The following MDGA2 variants were observed in gnomAD, a reference collection of about 807,000 sequenced individuals.
MDGA2 encodes the protein MAM domain containing glycosylphosphatidylinositol anchor 2, also known as MAM domain-containing glycosylphosphatidylinositol anchor protein 2.
In MDGA2, 40 loss-of-function variants were observed where a neutral mutation model predicts 117.8. That is an observed-to-expected ratio of 0.34 (90% CI 0.26 to 0.44). The LOEUF is 0.44. Among genes scored for constraint, MDGA2 ranks in the 20% least tolerant of loss-of-function variants. MDGA2 has a pLI of 1.00. For synonymous variants in MDGA2, 452 were observed against 439.0 expected, an observed-to-expected ratio of 1.03 and a Z score of -0.37; for missense variants, 1,123 against 1,250.6, an observed-to-expected ratio of 0.90 and a Z score of 1.54.
chr14:46,877,662 A>T (rs1269470980), intron 11 of MDGA2, among the ~76,000 whole-genome samples, 153 bp from the exon 12 acceptor site: 1 of 151,858 alleles, frequency 6.6e-6, no homozygotes, highest in Non-Finnish European at 1.5e-5. Flanking sequence ...TATATCTGCA[A>T]TCCATTTTGT....
chr14:47,058,770 A>T lies in MDGA2; in HGVS notation c.1525+2479T>A, dbSNP rs1285361162. On this transcript the variant is annotated intron_variant, in intron 7 of 16. Coordinates refer to ENST00000399232, the MANE Select transcript of MDGA2 (RefSeq NM_001113498.3). Reference sequence around the variant, plus strand: ...GAAGACAGAATATGTAATCATCTTCAGTAACTCATTCTTTAGGTTAGGCAT... The same window carrying T: ...GAAGACAGAATATGTAATCATCTTCTGTAACTCATTCTTTAGGTTAGGCAT... 8.1e-6 allele frequency: 8 copies of T among 985,436 alleles called. No homozygotes were observed. The East Asian group carries it at 7.9e-4, about 98-fold the overall frequency. The allele number at this position is 985,436 out of a possible 1,614,324, so 61.0% of individuals were successfully genotyped here. A position where few individuals can be genotyped will look rare whatever the true frequency, so the allele number is the denominator to read the frequency against.
In MDGA2 at chr14:47,080,695, G is replaced by A. The variant is rs567305956; in HGVS notation, c.1195+16159C>T. On this transcript the variant is annotated intron_variant, in intron 6 of 16. Transcript: ENST00000399232. ...AGTGAATTCCATACCACGTCAAAGC[G>A]CATTTATAGTTCCACCTCTTTCTAG... Among the ~76,000 whole-genome samples the A allele has an allele frequency of 8.5e-5, 13 of 152,154 alleles. No individual in the cohort carries two copies. In the East Asian group the frequency reaches 9.7e-4, roughly 11 times the overall value.
At position 46,965,178 on chromosome 14, in the gene MDGA2, C is replaced by T. The variant is rs780226797; in HGVS notation, c.1820-7535G>A. On this transcript the variant is annotated intron_variant, in intron 8 of 16. Coordinates refer to ENST00000399232, the MANE Select transcript of MDGA2 (RefSeq NM_001113498.3). Reference sequence around the variant, plus strand: ...GACCTCGTGATCCGCCCGCCTCGGCCTCCCAAAGTGCTGGGATTACAGGCG... The same window carrying T: ...GACCTCGTGATCCGCCCGCCTCGGCTTCCCAAAGTGCTGGGATTACAGGCG... 5.5e-4 allele frequency among the ~76,000 whole-genome samples: 66 copies of T among 120,386 alleles called. 2 individuals carry two copies. In the Middle Eastern group the frequency reaches 0.01, roughly 19 times the overall value. The allele number at this position is 120,386 out of a possible 152,430, so 79.0% of individuals were successfully genotyped here. A position where few individuals can be genotyped will look rare whatever the true frequency, so the allele number is the denominator to read the frequency against.
rs538595708 is a variant in MDGA2, at chr14:47,381,807, A to G, written c.281-80257T>C. Among the ~76,000 whole-genome samples, 5 of 152,322 alleles carry G rather than the reference A, an allele frequency of 3.3e-5. No individual in the cohort carries two copies. In the East Asian group the frequency reaches 9.6e-4, roughly 29 times the overall value. On this transcript the variant is annotated intron_variant, in intron 1 of 16. Transcript: ENST00000399232. The stretch of plus-strand genomic sequence containing the variant: ...CTGCCCAAGGTAATTTATAGATTCA[A>G]TGCCATCCCCGTCAAGCTACCAATG...
intron 8 of MDGA2, among the ~76,000 whole-genome samples, chr14:47,000,677 T>G (rs1887500226): frequency 6.6e-6 from 1 of 151,454 alleles, no homozygotes; most frequent in Non-Finnish European, 1.5e-5. Context: ...ATATTAGGTA[T>G]AGGGCAGTTA....
At chr14:47,322,402 C>G (rs116637916) in intron 1 of MDGA2, among the ~76,000 whole-genome samples, 1 of 152,094 alleles carries the variant, frequency 6.6e-6, no homozygotes, top group Non-Finnish European at 1.5e-5. Flanking sequence ...TATTTCATTT[C>G]GTGCTTTATT....
chr14:46,874,286 A>C (rs1388162323), intron 12 of MDGA2, 86 bp from the exon 13 acceptor site: 3 of 605,764 alleles, frequency 5.0e-6, no homozygotes, highest in Admixed American at 8.7e-5. Context: ...AAAATATTAC[A>C]TAGCAATAAT....
At chr14:47,448,050 T>C (rs918073793) in intron 1 of MDGA2, among the ~76,000 whole-genome samples, 3 of 152,116 alleles carry the variant, frequency 2.0e-5, no homozygotes, top group African/African-American at 7.2e-5. Flanking sequence ...ATCCCTCTTA[T>C]TCTAGTGAGA....
At chr14:47,487,607 C>A (rs926037114) in intron 1 of MDGA2, among the ~76,000 whole-genome samples, 2 of 152,052 alleles carry the variant, frequency 1.3e-5, no homozygotes, top group Non-Finnish European at 1.5e-5. Flanking sequence ...ATCTAAATGA[C>A]TTCTTTACAG....
chr14:47,514,376 A>G (rs1894708528), intron 1 of MDGA2, among the ~76,000 whole-genome samples: 1 of 152,092 alleles, frequency 6.6e-6, no homozygotes, highest in Admixed American at 6.6e-5. Context: ...TTAGATCAGA[A>G]AGCCACTCTA....
At chr14:47,654,858 T>C (rs1257990970) in intron 1 of MDGA2, among the ~76,000 whole-genome samples, 1 of 151,996 alleles carries the variant, frequency 6.6e-6, no homozygotes, top group Non-Finnish European at 1.5e-5. Context: ...TAGAAGAGTG[T>C]GTATATGAAT....
intron 3 of MDGA2, chr14:47,200,895 C>T (rs1333128423): frequency 4.7e-6 from 4 of 851,264 alleles, no homozygotes; most frequent in Non-Finnish European, 8.1e-6. Context: ...CAGTCCAGAG[C>T]GGCCTGGCCT....
chr14:47,641,977 C>G (rs1427708793), intron 1 of MDGA2, among the ~76,000 whole-genome samples: 5 of 151,942 alleles, frequency 3.3e-5, no homozygotes, highest in African/African-American at 1.2e-4. Context: ...AAGCTAGAAC[C>G]CAAGTGGTGA....
intron 9 of MDGA2, among the ~76,000 whole-genome samples, chr14:46,922,918 A>C (rs1566526953): frequency 6.6e-6 from 1 of 152,228 alleles, no homozygotes; most frequent in Non-Finnish European, 1.5e-5. Flanking sequence ...GAAATATTCG[A>C]AGCATTTCAG....
intron 5 of MDGA2, among the ~76,000 whole-genome samples, chr14:47,102,307 G>T (rs1194007257): frequency 2.0e-5 from 3 of 149,580 alleles, no homozygotes; most frequent in African/African-American, 7.4e-5. Flanking sequence ...TTTTTGAATG[G>T]AAATAATCTG....
At chr14:47,225,729 G>A (rs141598554) in intron 2 of MDGA2, among the ~76,000 whole-genome samples, 10,849 of 151,836 alleles carry the variant, frequency 0.071, 610 homozygotes, top group Admixed American at 0.15. Context: ...GAGTTAATGG[G>A]TGCAGCGCAC....
At chr14:47,040,586 C>G (rs913733623) in intron 7 of MDGA2, among the ~76,000 whole-genome samples, 8 of 152,104 alleles carry the variant, frequency 5.3e-5, no homozygotes, top group Non-Finnish European at 1.0e-4. Flanking sequence ...GAAGTTTCAC[C>G]AACTAGTTAA....
chr14:46,881,040 A>C lies in MDGA2; in HGVS notation c.2416+1004T>G, dbSNP rs533190174. Among the ~76,000 whole-genome samples the C allele has an allele frequency of 2.2e-3, 334 of 151,550 alleles. 3 individuals are homozygous for C. Among genetic ancestry groups the C allele is most frequent in the African/African-American group, 7.8e-3 (323 of 41,288 alleles). ...CACACACACACACACACACACACAC[A>C]CAAACATTTAGCATTTTTTAACATT... On this transcript the variant is annotated intron_variant, in intron 11 of 16. Coordinates refer to ENST00000399232, the MANE Select transcript of MDGA2 (RefSeq NM_001113498.3).
rs148114682 is a variant in MDGA2, at chr14:47,217,576, T to C, written c.595+445A>G. On this transcript the variant is annotated intron_variant, in intron 3 of 16. Coordinates refer to ENST00000399232, the MANE Select transcript of MDGA2 (RefSeq NM_001113498.3). ...TGGTCATTTACAGGCCAATTCATAA[T>C]GCTCTGTTTGTATGATGTACATTTA... 2.0e-3 allele frequency among the ~76,000 whole-genome samples: 301 copies of C among 152,136 alleles called. 2 individuals are homozygous for C. Among genetic ancestry groups the C allele is most frequent in the African/African-American group, 6.8e-3 (282 of 41,540 alleles).
Sources: allele counts gnomAD v4.1 joint callset (sites outside exome capture counted in the v4.1 genomes callset), GRCh38; gene constraint gnomAD v4.1.1; transcripts MANE v1.5; gene names NCBI Gene and HGNC (gene_info 2026-07-23, HGNC 2026-07-21).